Variants in F11R observed in about 807,000 individuals in gnomAD.
The protein encoded by F11R is junctional adhesion molecule A.
A neutral mutation model predicts 39.3 loss-of-function variants in F11R; 27 were observed. That is an observed-to-expected ratio of 0.69 (90% CI 0.51 to 0.95). The LOEUF (loss-of-function observed/expected upper bound fraction) is 0.95, where lower values mean the gene tolerates loss of function less well. Ranked by LOEUF, F11R falls within the 40% of genes least tolerant of loss-of-function variation. The pLI is 0.00. For missense variants in F11R, 335 were observed against 372.7 expected (o/e 0.90, Z 0.83); for synonymous variants, 131 against 144.9 (o/e 0.90, Z 0.69).
intron 1 of F11R, among the ~76,000 whole-genome samples, chr1:161,015,410 AT>A (rs1192902960): frequency 3.3e-5 from 2 of 59,902 alleles, no homozygotes; most frequent in African/African-American, 7.4e-5. Context: ...AAAAAAAAAT[AT>A]ATATATATAT....
At chr1:161,020,541 C>T (rs1164174196) in intron 1 of F11R, among the ~76,000 whole-genome samples, 1 of 152,234 alleles carries the variant, frequency 6.6e-6, no homozygotes, top group African/African-American at 2.4e-5. Flanking sequence ...GACTTCCACC[C>T]CAGACCACCT....
intron 1 of F11R, among the ~76,000 whole-genome samples, chr1:161,009,689 C>T (rs1249668190): frequency 3.9e-5 from 6 of 152,110 alleles, no homozygotes; most frequent in Non-Finnish European, 8.8e-5. Context: ...CCCCATGGGC[C>T]GGGTGCGGTG....
chr1:161,020,536 C>G (rs935382325), intron 1 of F11R, among the ~76,000 whole-genome samples: 1 of 152,218 alleles, frequency 6.6e-6, no homozygotes, highest in Non-Finnish European at 1.5e-5. Flanking sequence ...GAAGAGACTT[C>G]CACCCCAGAC....
chr1:161,020,506 T>G (rs979619273), intron 1 of F11R, among the ~76,000 whole-genome samples: 1 of 152,236 alleles, frequency 6.6e-6, no homozygotes, highest in Non-Finnish European at 1.5e-5. Flanking sequence ...AGCCAGAGAC[T>G]CCTTCAGCAA....
intron 1 of F11R, among the ~76,000 whole-genome samples, chr1:161,007,334 G>A (rs916270947): frequency 6.8e-6 from 1 of 146,346 alleles, no homozygotes; most frequent in Non-Finnish European, 1.5e-5. Flanking sequence ...GCGTGGTGGT[G>A]CATGCCTGTA....
chr1:161,006,008 G>A (rs1648783289), intron 1 of F11R, among the ~76,000 whole-genome samples: 1 of 151,926 alleles, frequency 6.6e-6, no homozygotes, highest in African/African-American at 2.4e-5. Context: ...CATGGTGGCG[G>A]GCAACGGTAA....
At chr1:161,006,359 T>C (rs1037593964) in intron 1 of F11R, among the ~76,000 whole-genome samples, 5 of 152,138 alleles carry the variant, frequency 3.3e-5, no homozygotes, top group African/African-American at 1.2e-4. Flanking sequence ...GAACCCAACC[T>C]ATGGCACCAC....
chr1:161,007,264 G>A (rs1249716079), intron 1 of F11R, among the ~76,000 whole-genome samples: 6 of 151,824 alleles, frequency 4.0e-5, no homozygotes, highest in Admixed American at 3.3e-4. Flanking sequence ...TGGGGAGTTC[G>A]AGACCAGCTT....
intron 1 of F11R, among the ~76,000 whole-genome samples, chr1:161,007,863 C>G (rs778619844): frequency 2.6e-5 from 4 of 152,164 alleles, no homozygotes; most frequent in Non-Finnish European, 5.9e-5. Flanking sequence ...TTCTCTAGAA[C>G]CTTCACAGCT....
intron 1 of F11R, among the ~76,000 whole-genome samples, chr1:161,010,069 A>G (rs1649042307): frequency 6.6e-6 from 1 of 151,536 alleles, no homozygotes; most frequent in South Asian, 2.1e-4. Context: ...AAAAAAAAAA[A>G]AAACCTATGA....
At chr1:161,020,034 C>T (rs757786975) in intron 1 of F11R, among the ~76,000 whole-genome samples, 3 of 152,142 alleles carry the variant, frequency 2.0e-5, no homozygotes, top group Non-Finnish European at 2.9e-5. Flanking sequence ...TCATGTAGAA[C>T]ACATACTGAC....
rs1648413915 is a variant in F11R, at chr1:161,000,424, ACCC to A, written c.389-79_389-77del. 15 of 1,482,078 alleles carry A rather than the reference ACCC, an allele frequency of 1.0e-5. No homozygotes were observed. The South Asian group carries it at 1.7e-4, about 17-fold the overall frequency. The allele number at this position is 1,482,078 out of a possible 1,614,324, so 91.8% of individuals were successfully genotyped here. On this transcript the variant is annotated intron_variant, in intron 4 of 9. Transcript: ENST00000368026. ...AGTCTAAGTAACCAACTACAATGGT[ACCC>A]CCAACTACTCAGCTCAAGCCTCCTA... is the stretch of plus-strand genomic sequence containing the variant.
intron 1 of F11R, among the ~76,000 whole-genome samples, chr1:161,015,597 A>G (rs1301108752): frequency 6.0e-5 from 9 of 149,896 alleles, no homozygotes; most frequent in Admixed American, 6.0e-4. Flanking sequence ...TCTCAAAAAA[A>G]AAAAAAAAGG....
At chr1:161,005,305 C>G (rs1213509107) in intron 1 of F11R, among the ~76,000 whole-genome samples, 1 of 151,688 alleles carries the variant, frequency 6.6e-6, no homozygotes, top group African/African-American at 2.4e-5. Context: ...CCTCCCTCCC[C>G]TACCTCCCCT....
intron 1 of F11R, among the ~76,000 whole-genome samples, chr1:161,003,219 G>T (rs542788982): frequency 1.4e-4 from 21 of 151,130 alleles, no homozygotes; most frequent in African/African-American, 5.1e-4. Flanking sequence ...CACCTTCCGG[G>T]TTCAAGGGAT....
intron 1 of F11R, among the ~76,000 whole-genome samples, chr1:161,015,426 A>G (rs1649408855): frequency 6.8e-6 from 1 of 147,620 alleles, no homozygotes; most frequent in South Asian, 2.1e-4. Flanking sequence ...ATATATATAT[A>G]TACACACACA....
At chr1:161,006,121 C>T (rs1050200629) in intron 1 of F11R, among the ~76,000 whole-genome samples, 4 of 150,628 alleles carry the variant, frequency 2.7e-5, no homozygotes, top group Admixed American at 2.7e-4. Context: ...CTGGGTAACA[C>T]AGTGAGACTC....
intron 1 of F11R, among the ~76,000 whole-genome samples, chr1:161,015,293 G>A (rs1424300939): frequency 6.7e-6 from 1 of 150,252 alleles, no homozygotes; most frequent in Non-Finnish European, 1.5e-5. Context: ...AGCTACTCGG[G>A]AGGCTGAGGC....
intron 1 of F11R, among the ~76,000 whole-genome samples, chr1:161,003,518 C>T (rs1411366650): frequency 2.0e-5 from 3 of 152,058 alleles, no homozygotes; most frequent in South Asian, 2.1e-4. Context: ...CCGCTGCAGC[C>T]GCCCAAAGTG....
Sources: allele counts gnomAD v4.1 joint callset (sites outside exome capture counted in the v4.1 genomes callset), GRCh38; gene constraint gnomAD v4.1.1; transcripts MANE v1.5; gene names NCBI Gene and HGNC (gene_info 2026-07-23, HGNC 2026-07-21).